Variants in CTNNA2 observed in about 807,000 individuals in gnomAD.
CTNNA2 encodes the protein catenin alpha-2.
A neutral mutation model predicts 101.0 loss-of-function variants in CTNNA2; 42 were observed. The ratio of observed to expected loss-of-function variants is 0.42; its 90% CI spans 0.32 to 0.54. The LOEUF is 0.54. CTNNA2 is among the 20% of genes least tolerant of loss of function. The probability of loss-of-function intolerance (pLI) is 0.14; values close to 1 mark genes in which losing one functional copy is unlikely to be tolerated. For missense variants in CTNNA2, 871 were observed against 1,223.1 expected, an observed-to-expected ratio of 0.71 and a Z score of 4.29; for synonymous variants, 450 against 456.4, an observed-to-expected ratio of 0.99 and a Z score of 0.18.
chr2:80,503,492 A>T lies in CTNNA2; in HGVS notation c.1291-41490A>T, dbSNP rs558009160. On this transcript the variant is annotated intron_variant, in intron 9 of 18. Coordinates refer to ENST00000402739, the MANE Select transcript of CTNNA2 (RefSeq NM_001282597.3). Reference sequence around the variant, plus strand: ...AATATACCAACTGGACCTAATTCGTATGAAGTGGGAGATGGGGAGCCCAAA... The same window carrying T: ...AATATACCAACTGGACCTAATTCGTTTGAAGTGGGAGATGGGGAGCCCAAA... Among the ~76,000 whole-genome samples the T allele has an allele frequency of 1.2e-4, 19 of 152,312 alleles. No individual in the cohort carries two copies. In the South Asian group the frequency reaches 3.9e-3, roughly 32 times the overall value.
At chr2:79,314,815 C>T in intron 3 of CTNNA2, among the ~76,000 whole-genome samples, 1 of 152,304 alleles carries the variant, frequency 6.6e-6, no homozygotes, top group Non-Finnish European at 1.5e-5. Context: ...AAAGGCTACA[C>T]TGTGTTTCCT....
chr2:80,491,231 C>T (rs1687034579), intron 9 of CTNNA2, among the ~76,000 whole-genome samples: 1 of 152,298 alleles, frequency 6.6e-6, no homozygotes, highest in Non-Finnish European at 1.5e-5. Flanking sequence ...TCAGAGCAGA[C>T]TTTAAATGGT....
intron 7 of CTNNA2, among the ~76,000 whole-genome samples, chr2:80,049,202 G>A (rs2104320668): frequency 6.6e-6 from 1 of 152,232 alleles, no homozygotes; most frequent in Non-Finnish European, 1.5e-5. Context: ...GCCAGTTTAT[G>A]TGTCATTCAT....
intron 1 of CTNNA2, chr2:79,548,097 A>C (rs1160966561): frequency 6.6e-6 from 1 of 152,216 alleles, no homozygotes; most frequent in Non-Finnish European, 1.5e-5. Flanking sequence ...GTTCTCGCAA[A>C]TTGAATCAGG....
chr2:80,440,686 A>C (rs576552135), intron 9 of CTNNA2, among the ~76,000 whole-genome samples: 6 of 152,296 alleles, frequency 3.9e-5, no homozygotes, highest in Admixed American at 3.9e-4. Flanking sequence ...TGTTCAGTTG[A>C]GCAGTGAAAA....
intron 14 of CTNNA2, among the ~76,000 whole-genome samples, chr2:80,584,147 G>A (rs1230748292): frequency 6.6e-6 from 1 of 152,106 alleles, no homozygotes; most frequent in African/African-American, 2.4e-5. Flanking sequence ...TGCTAAGTTG[G>A]TCCAAATTTT....
At chr2:79,474,113 A>G (rs1025508551) in intron 4 of CTNNA2, among the ~76,000 whole-genome samples, 2 of 152,314 alleles carry the variant, frequency 1.3e-5, no homozygotes, top group Admixed American at 6.5e-5. Flanking sequence ...AACTGTGTTT[A>G]TAATGTATAT....
At chr2:80,529,469 A>C (rs2149591332) in intron 9 of CTNNA2, among the ~76,000 whole-genome samples, 1 of 152,356 alleles carries the variant, frequency 6.6e-6, no homozygotes, top group African/African-American at 2.4e-5. Flanking sequence ...CTAAAACAAT[A>C]ATTGCAATTA....
At chr2:79,356,335 T>C (rs528441170) in intron 3 of CTNNA2, among the ~76,000 whole-genome samples, 1 of 152,188 alleles carries the variant, frequency 6.6e-6, no homozygotes, top group African/African-American at 2.4e-5. Context: ...TAGTTCTTTA[T>C]AAATTCTTAT....
intron 3 of CTNNA2, among the ~76,000 whole-genome samples, chr2:79,782,194 A>T (rs938227748): frequency 1.3e-5 from 2 of 152,160 alleles, no homozygotes; most frequent in Admixed American, 1.3e-4. Context: ...ACTTTGGAAG[A>T]GTTAGCCAAC....
At chr2:80,160,981 G>A (rs1704279792) in intron 7 of CTNNA2, among the ~76,000 whole-genome samples, 1 of 151,806 alleles carries the variant, frequency 6.6e-6, no homozygotes, top group Admixed American at 6.6e-5. Flanking sequence ...TTAATCATGA[G>A]TGGTCATTGA....
intron 6 of CTNNA2, among the ~76,000 whole-genome samples, chr2:79,887,512 C>A (rs1457635326): frequency 2.0e-5 from 3 of 152,078 alleles, no homozygotes; most frequent in East Asian, 1.9e-4. Flanking sequence ...CATTTCCGTT[C>A]CCATCAGTAT....
intron 4 of CTNNA2, among the ~76,000 whole-genome samples, chr2:79,414,310 C>T (rs1181094129): frequency 1.3e-5 from 2 of 151,884 alleles, no homozygotes; most frequent in Admixed American, 6.6e-5. Context: ...TAAGCATGAA[C>T]CTCATAAGCT....
At chr2:79,368,055 T>C (rs1336257501) in intron 3 of CTNNA2, among the ~76,000 whole-genome samples, 1 of 152,214 alleles carries the variant, frequency 6.6e-6, no homozygotes, top group Non-Finnish European at 1.5e-5. Flanking sequence ...GTTATCATTT[T>C]GTGATTTCAT....
chr2:79,211,276 G>A (rs547665267), intron 2 of CTNNA2, among the ~76,000 whole-genome samples: 5 of 152,260 alleles, frequency 3.3e-5, no homozygotes, highest in African/African-American at 1.2e-4. Context: ...ACAACTGAGA[G>A]CTGAAAAACA....
At chr2:80,495,825 G>GGGA (rs1687410118) in intron 9 of CTNNA2, among the ~76,000 whole-genome samples, 1 of 151,326 alleles carries the variant, frequency 6.6e-6, no homozygotes, top group South Asian at 2.1e-4. Context: ...CTGTAATCCC[G>GGGA]GCTACTTGGG....
At chr2:80,437,749 G>A (rs535421684) in intron 9 of CTNNA2, among the ~76,000 whole-genome samples, 5 of 152,212 alleles carry the variant, frequency 3.3e-5, no homozygotes, top group South Asian at 4.1e-4. Flanking sequence ...CTGTAATCCC[G>A]GCACTTTGGG....
intron 7 of CTNNA2, among the ~76,000 whole-genome samples, chr2:80,347,727 A>C (rs1947031): frequency 0.1 from 15,222 of 151,984 alleles, 1,709 homozygotes; most frequent in African/African-American, 0.28. Flanking sequence ...TAGCATCAGA[A>C]TACCCTAGAA....
chr2:80,112,134 C>T (rs988588635), intron 7 of CTNNA2, among the ~76,000 whole-genome samples: 10 of 152,046 alleles, frequency 6.6e-5, no homozygotes, highest in Admixed American at 6.6e-4. Flanking sequence ...TAAAGTAAGA[C>T]AGGGCGATGA....
Sources: allele counts gnomAD v4.1 joint callset (sites outside exome capture counted in the v4.1 genomes callset), GRCh38; gene constraint gnomAD v4.1.1; transcripts MANE v1.5; gene names NCBI Gene and HGNC (gene_info 2026-07-23, HGNC 2026-07-21).